The following MALRD1 variants were observed in gnomAD, a reference collection of about 807,000 sequenced individuals.
MALRD1 encodes MAM and LDL receptor class A domain containing 1, also known as MAM and LDL-receptor class A domain-containing protein 1.
A neutral mutation model predicts 242.1 loss-of-function variants in MALRD1; 247 were observed. The observed-to-expected ratio is 1.02, with a 90% CI of 0.92 to 1.13. The LOEUF is 1.13. MALRD1 is among the 50% of genes most tolerant of loss of function. The probability of loss-of-function intolerance (pLI) is 0.00; values close to 1 mark genes in which losing one functional copy is unlikely to be tolerated. For missense variants in MALRD1, 2,989 were observed against 2,533.1 expected (o/e 1.18, Z -3.86); for synonymous variants, 995 against 866.6 (o/e 1.15, Z -2.60).
intron 18 of MALRD1, among the ~76,000 whole-genome samples, chr10:19,252,199 AGCTGAGG>A (rs1839320142): frequency 6.6e-6 from 1 of 152,038 alleles, no homozygotes; most frequent in African/African-American, 2.4e-5. Context: ...TGTCTGCGGC[AGCTGAGG>A]AGCAATGTCT....
chr10:19,158,146 G>GTAAA (rs374338431), intron 12 of MALRD1, among the ~76,000 whole-genome samples: 42 of 152,332 alleles, frequency 2.8e-4, no homozygotes, highest in African/African-American at 9.6e-4. Context: ...ACTAGGAAAT[G>GTAAA]TAAAGTATGA....
At chr10:19,281,546 T>C (rs68021138) in intron 20 of MALRD1, among the ~76,000 whole-genome samples, 12 of 152,130 alleles carry the variant, frequency 7.9e-5, no homozygotes. Flanking sequence ...CAAATATAAA[T>C]GAATTATTAC....
intron 5 of MALRD1, among the ~76,000 whole-genome samples, chr10:19,108,276 T>A (rs923589763): frequency 6.6e-6 from 1 of 152,028 alleles, no homozygotes; most frequent in Admixed American, 6.6e-5. Context: ...GTTACTGACA[T>A]CCTCAATTGT....
chr10:19,208,350 T>C (rs2358349), intron 17 of MALRD1, among the ~76,000 whole-genome samples: 135,737 of 151,916 alleles, frequency 0.89, 60,917 homozygotes, highest in East Asian at 1. Flanking sequence ...GTTTAGAATA[T>C]GTGGGGAAGA....
chr10:19,122,696 G>A (rs560553098), intron 5 of MALRD1, among the ~76,000 whole-genome samples: 1 of 152,106 alleles, frequency 6.6e-6, no homozygotes, highest in Admixed American at 6.5e-5. Context: ...TCTTATATTG[G>A]GGGGCTTGGG....
chr10:19,324,821 C>A (rs1843049068), intron 22 of MALRD1, among the ~76,000 whole-genome samples: 1 of 151,622 alleles, frequency 6.6e-6, no homozygotes, highest in Admixed American at 6.6e-5. Flanking sequence ...GTGTTAAGCC[C>A]TTTTTTCCTA....
chr10:19,301,129 T>C (rs1289076416), intron 21 of MALRD1, among the ~76,000 whole-genome samples: 2 of 151,928 alleles, frequency 1.3e-5, no homozygotes, highest in African/African-American at 4.8e-5. Flanking sequence ...TCACTAATCA[T>C]TAGAGAATTG....
At chr10:19,646,996 C>T (rs1003618143) in intron 36 of MALRD1, among the ~76,000 whole-genome samples, 10 of 152,102 alleles carry the variant, frequency 6.6e-5, no homozygotes, top group African/African-American at 2.4e-4. Context: ...GAGAAAGGAA[C>T]AGAGATCACT....
chr10:19,689,022 G>A (rs1485658468), intron 36 of MALRD1, among the ~76,000 whole-genome samples: 4 of 152,148 alleles, frequency 2.6e-5, no homozygotes, highest in African/African-American at 7.2e-5. Context: ...AAAAGCAACA[G>A]CAACAAAAAG....
At chr10:19,262,755 T>C (rs1839810434) in intron 19 of MALRD1, among the ~76,000 whole-genome samples, 1 of 151,986 alleles carries the variant, frequency 6.6e-6, no homozygotes, top group Admixed American at 6.6e-5. Context: ...ATTCTTCGGA[T>C]AACTGAAAAT....
At position 19,165,445 on chromosome 10, in the gene MALRD1, C is replaced by T. The variant is rs113318876; in HGVS notation, c.1657-192C>T. 2.6e-3 allele frequency among the ~76,000 whole-genome samples: 390 copies of T among 151,310 alleles called. 2 individuals are homozygous for T. Among genetic ancestry groups the T allele is most frequent in the African/African-American group, 9.1e-3 (374 of 41,152 alleles). On this transcript the variant is annotated intron_variant, in intron 12 of 39. Transcript: ENST00000454679. ...AGCCTTCCGAATAGCTGGGATTACA[C>T]GCATGCACCACCACACCCGGCTAAT...
intron 6 of MALRD1, 125 bp from the exon 7 acceptor site, chr10:19,124,399 A>G (rs1837178279): frequency 3.4e-6 from 3 of 879,576 alleles, no homozygotes; most frequent in Non-Finnish European, 4.5e-6. Context: ...ACTTGCAGAT[A>G]TAAATTAGTG....
chr10:19,616,931 T>C (rs1216402636), intron 36 of MALRD1, among the ~76,000 whole-genome samples: 1 of 152,016 alleles, frequency 6.6e-6, no homozygotes, highest in East Asian at 1.9e-4. Context: ...AATTATACTT[T>C]CCCCATATCA....
intron 34 of MALRD1, among the ~76,000 whole-genome samples, chr10:19,597,980 GTGGT>G (rs894954836): frequency 2.6e-5 from 4 of 152,164 alleles, no homozygotes; most frequent in African/African-American, 9.7e-5. Flanking sequence ...AGCAGAGCCT[GTGGT>G]TGGAAATGTA....
chr10:19,525,867 G>A (rs1834076646), intron 31 of MALRD1, among the ~76,000 whole-genome samples: 1 of 152,114 alleles, frequency 6.6e-6, no homozygotes, highest in African/African-American at 2.4e-5. Flanking sequence ...ATATATGAGG[G>A]TTAAGTAGCT....
intron 2 of MALRD1, among the ~76,000 whole-genome samples, chr10:19,082,475 C>A (rs868129318): frequency 6.6e-6 from 1 of 151,684 alleles, no homozygotes; most frequent in Non-Finnish European, 1.5e-5. Context: ...ACACATTATT[C>A]TTATGATTTC....
chr10:19,452,139 T>G (rs2131047650), intron 29 of MALRD1, among the ~76,000 whole-genome samples: 1 of 152,300 alleles, frequency 6.6e-6, no homozygotes, highest in South Asian at 2.1e-4. Context: ...TCTTCAAAAC[T>G]TTCTCTAAGA....
chr10:19,216,715 G>A lies in MALRD1; in HGVS notation c.2991+7035G>A, dbSNP rs531437057. Among the ~76,000 whole-genome samples, 16 of 152,074 alleles carry A rather than the reference G, an allele frequency of 1.1e-4. No homozygotes were observed. The South Asian group carries it at 3.3e-3, about 32-fold the overall frequency. On this transcript the variant is annotated intron_variant, in intron 18 of 39. Transcript: ENST00000454679. ...AATCCCAGCACTTTGGGAGGCCGAG[G>A]TGGGTGGATCACGAGGTCAGGAGAT...
chr10:19,052,226 C>T (rs1457504779), intron 1 of MALRD1: 2 of 256,766 alleles, frequency 7.8e-6, no homozygotes, highest in African/African-American at 2.3e-5. Context: ...CTTCCCCTTT[C>T]CCCCCATTCA....
Sources: gnomAD v4.1 joint callset for allele counts (sites outside exome capture counted in the v4.1 genomes callset) on GRCh38, gnomAD v4.1.1 for gene constraint, MANE v1.5 for transcripts, NCBI Gene and HGNC (gene_info 2026-07-23, HGNC 2026-07-21) for gene names.